The following MMP10 variants were observed in gnomAD, a reference collection of about 807,000 sequenced individuals.
The protein encoded by MMP10 is matrix metallopeptidase 10, also known as stromelysin-2.
In MMP10, 50 loss-of-function variants were observed where a neutral mutation model predicts 49.1. The observed-to-expected ratio is 1.02, with a 90% CI of 0.81 to 1.29. The LOEUF (loss-of-function observed/expected upper bound fraction) is 1.29, where lower values mean the gene tolerates loss of function less well. Ranked by LOEUF, MMP10 falls within the 50% of genes most tolerant of loss-of-function variation. MMP10 has a pLI of 0.00. For missense variants in MMP10, 613 were observed against 563.8 expected (o/e 1.09, Z -0.88); for synonymous variants, 229 against 201.6 (o/e 1.14, Z -1.15).
Position 102,779,260 on chromosome 11 carries a change from C to T in MMP10, c.449G>A (p.Arg150Lys), listed in dbSNP as rs1052378707. 1 of 1,613,936 alleles carries T rather than the reference C, an allele frequency of 6.2e-7. No individual in the cohort carries two copies. The change falls in exon 3 of 10, where the codon AGG (arginine) becomes AAG (lysine). Residue 150 changes from arginine to lysine, a missense_variant. Physicochemically the swap from Arg to Lys is conservative, Grantham distance 26 (BLOSUM62 2). Transcript: ENST00000279441. ...TATATCAGCCTCTCCTTCATACAGC[C>T]TGGAGAATGTGAGTGGAGTCACCTC... ...WEEVTPLTFS[R>K]LYEGEADIMI...
chr11:102,777,359 G>A (rs574190160), intron 4 of MMP10, among the ~76,000 whole-genome samples: 15 of 151,748 alleles, frequency 9.9e-5, no homozygotes, highest in Admixed American at 4.6e-4. Context: ...GTGTCCAAGC[G>A]ATTCTCGTGC....
intron 7 of MMP10, among the ~76,000 whole-genome samples, chr11:102,773,359 G>T (rs569606086): frequency 1.3e-5 from 2 of 152,234 alleles, no homozygotes; most frequent in South Asian, 4.2e-4. Context: ...TAGATCAGTT[G>T]CTTATTGGAC....
Position 102,772,858 on chromosome 11 carries a change from G to A in MMP10, c.1215C>T (p.Asp405=), listed in dbSNP as rs751590059. ...EKKKTYFFAA[D]KYWRFDENSQ... ...CTCTTGCATCTCACCTCCAGTATTT[G>A]TCCGCTGCAAAGAAGTATGTTTTCT... Residue 405 remains aspartate (D), a synonymous_variant, in exon 8 of 10, where the codon GAC becomes GAT. Transcript: ENST00000279441. This position sits in a 1 kb window ranked among gnomAD's most constrained non-coding sequence, Gnocchi z 4.4. 9.9e-6 allele frequency: 16 copies of A among 1,610,384 alleles called. No homozygotes were observed. Among genetic ancestry groups the A allele is most frequent in the Non-Finnish European group, 5.9e-6 (7 of 1,178,802 alleles).
At position 102,776,673 on chromosome 11, in the gene MMP10, G is replaced by A. The variant is rs1223841744; in HGVS notation, c.726C>T (p.Phe242=). The part of the protein sequence containing the change: ...EALMYPLYNS[F]TELAQFRLSQ... ...AAAGGCGGAACTGGGCGAGCTCTGT[G>A]AATGAGTTGTAGAGTGGGTACATCA... The change falls in exon 5 of 10, where the codon TTC becomes TTT. Residue 242 remains phenylalanine, a synonymous_variant. Coordinates refer to ENST00000279441, the MANE Select transcript of MMP10 (RefSeq NM_002425.3). The A allele has an allele frequency of 6.2e-7, 1 of 1,614,012 alleles. No homozygotes were observed. Among genetic ancestry groups the A allele is most frequent in the Admixed American group, 1.7e-5 (1 of 59,980 alleles).
rs1423338094 is a variant in MMP10 at position 102,779,750 on chromosome 11, T to C, written c.106-5A>G. The C allele has an allele frequency of 1.9e-6, 3 of 1,597,830 alleles. No individual in the cohort carries two copies. The highest frequency in any genetic ancestry group is 2.2e-5 in the East Asian group (1 of 44,572). ...GTAGTACTTTTCTAGGTATTGCTAA[T>C]GGAAAATAGAATTTTTAGGGCATTT... On this transcript the variant is annotated splice_polypyrimidine_tract_variant and splice_region_variant and intron_variant, in intron 1 of 9. Coordinates refer to ENST00000279441, the MANE Select transcript of MMP10 (RefSeq NM_002425.3).
rs1292935744 is a variant in MMP10, at chr11:102,775,209, C to T, written c.1045G>A (p.Asp349Asn). ...LDAAYEVNSR[D>N]TVFIFKGNEF... is the part of the protein sequence containing the mutation. ...TCACCTTTAAAAATAAAAACGGTGT[C>T]CCTGCTGTTAACTTCATATGCAGCA... The change falls in exon 7 of 10, where the codon GAC becomes AAC. Residue 349 changes from aspartate (D) to asparagine (N), a missense_variant. Physicochemically the swap from Asp to Asn is conservative, Grantham distance 23. Coordinates refer to ENST00000279441, the MANE Select transcript of MMP10 (RefSeq NM_002425.3). 1.9e-6 allele frequency: 3 copies of T among 1,597,658 alleles called. No homozygotes were observed. Among genetic ancestry groups the T allele is most frequent in the Non-Finnish European group, 1.7e-6 (2 of 1,172,206 alleles).
At position 102,778,680 on chromosome 11, in the gene MMP10, C is replaced by T. The variant is rs774227878; in HGVS notation, c.566G>A (p.Gly189Glu). The T allele has an allele frequency of 3.1e-6, 5 of 1,613,858 alleles. No homozygotes were observed. In the Admixed American group the frequency reaches 6.7e-5, roughly 22 times the overall value. The part of the protein sequence containing the change: ...SLAHAYPPGP[G>E]LYGDIHFDDD... Reference sequence around the variant, plus strand: ...ATCAAAGTGAATATCTCCATAAAGCCCAGGTCCAGGTGGGTAGGCATGAGC... The same window carrying T: ...ATCAAAGTGAATATCTCCATAAAGCTCAGGTCCAGGTGGGTAGGCATGAGC... Residue 189 changes from glycine to glutamate, a missense_variant, in exon 4 of 10, where the codon GGG (glycine) becomes GAG (glutamate). Transcript: ENST00000279441.
At chr11:102,779,815 C>T (rs1366960168) in intron 1 of MMP10, 70 bp from the exon 2 acceptor site, 22 of 1,503,512 alleles carry the variant, frequency 1.5e-5, no homozygotes, top group Admixed American at 2.1e-5. Flanking sequence ...TATAATCCAT[C>T]GTAATTTTCC....
At position 102,773,050 on chromosome 11, in the gene MMP10, A is replaced by T; in HGVS notation, c.1067-44T>A. The T allele has an allele frequency of 3.2e-6, 5 of 1,548,724 alleles. No individual in the cohort carries two copies. In the South Asian group the frequency reaches 6.2e-5, roughly 19 times the overall value. On this transcript the variant is annotated intron_variant, in intron 7 of 9. Coordinates refer to ENST00000279441, the MANE Select transcript of MMP10 (RefSeq NM_002425.3). Reference sequence around the variant, plus strand: ...CAAGACATTTTACTTGAAGCCATTGATTTTAAAAATAATTATAGTGCATTG... The same window carrying T: ...CAAGACATTTTACTTGAAGCCATTGTTTTTAAAAATAATTATAGTGCATTG...
Position 102,775,191 on chromosome 11 carries a change from T to C in MMP10, c.1063A>G (p.Lys355Glu). Residue 355 changes from lysine to glutamate, a missense_variant, in exon 7 of 10, where the codon AAA becomes GAA. Coordinates refer to ENST00000279441, the MANE Select transcript of MMP10 (RefSeq NM_002425.3). ...VNSRDTVFIF[K>E]GNEFWAIRGN... ...GAAATTCTTATATAGTACTCACCTT[T>C]AAAAATAAAAACGGTGTCCCTGCTG... is the stretch of plus-strand genomic sequence containing the variant. The C allele has an allele frequency of 6.3e-7, 1 of 1,590,644 alleles. No homozygotes were observed. The highest frequency in any genetic ancestry group is 8.6e-7 in the Non-Finnish European group (1 of 1,169,534).
intron 6 of MMP10, among the ~76,000 whole-genome samples, chr11:102,775,946 A>G (rs1337524424): frequency 6.6e-6 from 1 of 152,124 alleles, no homozygotes; most frequent in Non-Finnish European, 1.5e-5. Context: ...ATCATCCCTT[A>G]TAAGTCTGTA....
chr11:102,775,091 G>A, intron 7 of MMP10, 97 bp downstream of exon 7: 1 of 907,932 alleles, frequency 1.1e-6, no homozygotes, highest in South Asian at 4.4e-5. Context: ...AGGTCTTTCA[G>A]TAATCTAAAC....
Position 102,780,620 on chromosome 11 carries a change from T to C in MMP10, c.-29A>G. ...CACTGCCCTTACCTTCTTTGTCTACTGGGCTTCTAGCTCTACCCCCTAGTG... is the reference window on the plus strand; with the variant it reads ...CACTGCCCTTACCTTCTTTGTCTACCGGGCTTCTAGCTCTACCCCCTAGTG... On this transcript the variant is annotated 5_prime_UTR_variant, in exon 1 of 10. Coordinates refer to ENST00000279441, the MANE Select transcript of MMP10 (RefSeq NM_002425.3). 3.1e-6 allele frequency: 5 copies of C among 1,597,296 alleles called. No homozygotes were observed. Among genetic ancestry groups the C allele is most frequent in the Non-Finnish European group, 4.3e-6 (5 of 1,167,632 alleles).
chr11:102,774,426 T>C (rs1862002534), intron 7 of MMP10, among the ~76,000 whole-genome samples: 1 of 151,930 alleles, frequency 6.6e-6, no homozygotes, highest in South Asian at 2.1e-4. Context: ...GTCAGTCCTT[T>C]GAAAAGATCA....
At chr11:102,774,185 A>G (rs1357143370) in intron 7 of MMP10, among the ~76,000 whole-genome samples, 4 of 152,238 alleles carry the variant, frequency 2.6e-5, no homozygotes, top group African/African-American at 9.6e-5. Context: ...AAAATACTGC[A>G]TATCGAAATT....
In MMP10 at chr11:102,775,145, T is replaced by C. The variant is rs200260881; in HGVS notation, c.1066+43A>G. ...ACTCATGTCAATAAAATTTTTGCAA[T>C]AGGATTTATTCCAGCAAGTTGAAAT... On this transcript the variant is annotated intron_variant, in intron 7 of 9. Coordinates refer to ENST00000279441, the MANE Select transcript of MMP10 (RefSeq NM_002425.3). 8.1e-5 allele frequency: 114 copies of C among 1,412,508 alleles called. 1 individual carries two copies. The South Asian group carries it at 2.0e-3, about 25-fold the overall frequency. 87.5% of individuals were successfully genotyped at this position (1,412,508 alleles called of 1,614,324 possible).
intron 7 of MMP10, 84 bp from the exon 8 acceptor site, chr11:102,773,090 A>G: frequency 7.4e-7 from 1 of 1,359,952 alleles, no homozygotes; most frequent in Non-Finnish European, 9.9e-7. Context: ...GGTAAAGAGG[A>G]AGGCTTGGTT....
chr11:102,771,020 C>G, intron 9 of MMP10, 127 bp from the exon 10 acceptor site: 1 of 619,320 alleles, frequency 1.6e-6, no homozygotes, highest in South Asian at 2.2e-5. Flanking sequence ...ATGCCAAGCA[C>G]TGAGCTAAGT....
In MMP10 at chr11:102,772,164, T is replaced by A; in HGVS notation, c.1227-49A>T. On this transcript the variant is annotated intron_variant, in intron 8 of 9. Transcript: ENST00000279441. This position sits in a 1 kb window ranked among gnomAD's most constrained non-coding sequence, Gnocchi z 4.4. The stretch of plus-strand genomic sequence containing the variant: ...GTTCAATGATGTGCAGTAGTCCCAT[T>A]ACACACAATAGTATAATGTGATGTT... The A allele has an allele frequency of 8.8e-7, 1 of 1,137,138 alleles. No individual in the cohort carries two copies. The highest frequency in any genetic ancestry group is 1.3e-6 in the Non-Finnish European group (1 of 753,946). The allele number at this position is 1,137,138 out of a possible 1,614,324, so 70.4% of individuals were successfully genotyped here.
Sources: allele counts gnomAD v4.1 joint callset (sites outside exome capture counted in the v4.1 genomes callset), GRCh38; gene constraint gnomAD v4.1.1; non-coding constraint Gnocchi (gnomAD v3.1); transcripts MANE v1.5; gene names NCBI Gene and HGNC (gene_info 2026-07-23, HGNC 2026-07-21).